Variants in GUCY1A2 observed in about 807,000 individuals in gnomAD.
GUCY1A2 encodes the protein guanylate cyclase 1 soluble subunit alpha 2, also known as guanylate cyclase soluble subunit alpha-2.
A neutral mutation model predicts 63.5 loss-of-function variants in GUCY1A2; 27 were observed. The observed-to-expected ratio is 0.43, with a 90% CI of 0.31 to 0.59. GUCY1A2 has a LOEUF of 0.59. Among genes scored for constraint, GUCY1A2 ranks in the 20% least tolerant of loss-of-function variants. GUCY1A2 has a pLI of 0.11. For missense variants in GUCY1A2, 768 were observed against 913.3 expected, an observed-to-expected ratio of 0.84 and a Z score of 2.05; for synonymous variants, 364 against 343.5, an observed-to-expected ratio of 1.06 and a Z score of -0.66.
chr11:106,780,834 G>A (rs769245222), intron 5 of GUCY1A2, among the ~76,000 whole-genome samples: 1 of 151,208 alleles, frequency 6.6e-6, no homozygotes, highest in Non-Finnish European at 1.5e-5. Context: ...AGATATATTC[G>A]GCACCTTAAG....
At chr11:107,016,950 T>G (rs1861831985) in intron 1 of GUCY1A2, among the ~76,000 whole-genome samples, 1 of 152,160 alleles carries the variant, frequency 6.6e-6, no homozygotes, top group Non-Finnish European at 1.5e-5. Flanking sequence ...GATGAGTTAG[T>G]AGGTGCAGCA....
At chr11:106,792,050 CA>C (rs1864671933) in intron 5 of GUCY1A2, among the ~76,000 whole-genome samples, 1 of 152,130 alleles carries the variant, frequency 6.6e-6, no homozygotes, top group Non-Finnish European at 1.5e-5. Flanking sequence ...CAAAATTCTT[CA>C]ACAAAATACT....
chr11:106,798,284 C>A (rs899123998), intron 5 of GUCY1A2, among the ~76,000 whole-genome samples: 1 of 152,004 alleles, frequency 6.6e-6, no homozygotes, highest in African/African-American at 2.4e-5. Context: ...AGCCTACCAA[C>A]CAAAAAAAGT....
intron 7 of GUCY1A2, among the ~76,000 whole-genome samples, chr11:106,693,459 T>C (rs1278008928): frequency 6.6e-6 from 1 of 152,148 alleles, no homozygotes; most frequent in Non-Finnish European, 1.5e-5. Flanking sequence ...TATGGCTAAG[T>C]GCATCTTTTT....
intron 7 of GUCY1A2, among the ~76,000 whole-genome samples, chr11:106,693,592 T>C (rs1253632985): frequency 6.6e-6 from 1 of 152,198 alleles, no homozygotes; most frequent in Non-Finnish European, 1.5e-5. Context: ...TTTATATGTT[T>C]TCTTTTTATG....
chr11:106,785,206 G>A (rs530403339), intron 5 of GUCY1A2, among the ~76,000 whole-genome samples: 59 of 152,212 alleles, frequency 3.9e-4, no homozygotes, highest in Non-Finnish European at 7.1e-4. Flanking sequence ...GCCCCTGAAA[G>A]CCTCATGGAT....
intron 4 of GUCY1A2, among the ~76,000 whole-genome samples, chr11:106,870,228 C>T (rs1255506572): frequency 6.6e-6 from 1 of 151,806 alleles, no homozygotes; most frequent in African/African-American, 2.4e-5. Context: ...ACATTGTGCA[C>T]ATGTACCCTA....
At chr11:106,926,570 A>C (rs1860525425) in intron 4 of GUCY1A2, among the ~76,000 whole-genome samples, 1 of 152,092 alleles carries the variant, frequency 6.6e-6, no homozygotes, top group Non-Finnish European at 1.5e-5. Flanking sequence ...TTCCCCTTAG[A>C]ATTATCAAAT....
rs1012517833 is a variant in GUCY1A2 at position 107,018,076 on chromosome 11, G to A, written c.-21C>T. 3 of 1,415,252 alleles carry A rather than the reference G, an allele frequency of 2.1e-6. No homozygotes were observed. Among genetic ancestry groups the A allele is most frequent in the South Asian group, 2.9e-5 (2 of 68,496 alleles). 87.7% of individuals were successfully genotyped at this position (1,415,252 alleles called of 1,614,324 possible). A position where few individuals can be genotyped will look rare whatever the true frequency, so the allele number is the denominator to read the frequency against. Reference sequence around the variant, plus strand: ...GACATGCTGCCGGCGGAGCTGCAGCGGCCGAGGCGGTGGCGGCGAGGACGC... The same window carrying A: ...GACATGCTGCCGGCGGAGCTGCAGCAGCCGAGGCGGTGGCGGCGAGGACGC... On this transcript the variant is annotated 5_prime_UTR_variant, in exon 1 of 8. Transcript: ENST00000526355.
chr11:106,722,651 G>C (rs944912498), intron 6 of GUCY1A2, among the ~76,000 whole-genome samples: 1 of 152,020 alleles, frequency 6.6e-6, no homozygotes, highest in Non-Finnish European at 1.5e-5. Flanking sequence ...AGGCTTGGTA[G>C]TATTTATTTA....
rs1001022278 is a variant in GUCY1A2 at position 106,918,112 on chromosome 11, A to G, written c.1206+21348T>C. On this transcript the variant is annotated intron_variant, in intron 4 of 7. Transcript: ENST00000526355. ...AGAACAGAGAAGGAGAACGAAGGGT[A>G]TAACGCCCCTGTTTGCATGCCCAGC... 1.4e-5 allele frequency among the ~76,000 whole-genome samples: 2 copies of G among 144,458 alleles called. 1 individual carries two copies. The highest frequency in any genetic ancestry group is 3.1e-5 in the Non-Finnish European group (2 of 64,404). The allele number at this position is 144,458 out of a possible 152,430, so 94.8% of individuals were successfully genotyped here.
intron 4 of GUCY1A2, among the ~76,000 whole-genome samples, chr11:106,896,251 G>C (rs1316567723): frequency 1.3e-5 from 2 of 151,884 alleles, no homozygotes; most frequent in African/African-American, 4.8e-5. Flanking sequence ...TGCATAAAAA[G>C]CATCTGACAA....
At chr11:106,919,333 T>G (rs1354645926) in intron 4 of GUCY1A2, among the ~76,000 whole-genome samples, 1 of 152,156 alleles carries the variant, frequency 6.6e-6, no homozygotes, top group Admixed American at 6.6e-5. Flanking sequence ...TTAACAATAC[T>G]GTATTGTACA....
intron 1 of GUCY1A2, among the ~76,000 whole-genome samples, chr11:107,013,945 C>G (rs1487379000): frequency 6.7e-6 from 1 of 148,680 alleles, no homozygotes; most frequent in Non-Finnish European, 1.5e-5. Context: ...ATGCTCTGCA[C>G]AATACCTGCC....
chr11:106,809,451 G>A (rs1052437982), intron 5 of GUCY1A2, among the ~76,000 whole-genome samples: 1 of 152,040 alleles, frequency 6.6e-6, no homozygotes, highest in African/African-American at 2.4e-5. Context: ...ATGTAGCTTG[G>A]AAAATTAAGG....
At chr11:106,719,559 G>A (rs1197484986) in intron 6 of GUCY1A2, among the ~76,000 whole-genome samples, 2 of 152,080 alleles carry the variant, frequency 1.3e-5, no homozygotes, top group Admixed American at 6.6e-5. Context: ...ATCATCTTTC[G>A]TAAGCCATAC....
intron 6 of GUCY1A2, among the ~76,000 whole-genome samples, chr11:106,772,271 T>C (rs1285538299): frequency 6.6e-6 from 1 of 152,166 alleles, no homozygotes; most frequent in African/African-American, 2.4e-5. Context: ...GATTCAGTTT[T>C]AGTCAATTAT....
At chr11:106,879,097 T>G (rs983992752) in intron 4 of GUCY1A2, among the ~76,000 whole-genome samples, 2 of 151,134 alleles carry the variant, frequency 1.3e-5, no homozygotes, top group Admixed American at 1.3e-4. Flanking sequence ...ATCAAGGGTT[T>G]CACACCAGAA....
At chr11:107,011,346 C>T (rs1861741398) in intron 1 of GUCY1A2, among the ~76,000 whole-genome samples, 1 of 151,446 alleles carries the variant, frequency 6.6e-6, no homozygotes, top group African/African-American at 2.4e-5. Context: ...ACTTAGAGCT[C>T]TGTATAATTA....
Sources: gnomAD v4.1 joint callset for allele counts (sites outside exome capture counted in the v4.1 genomes callset) on GRCh38, gnomAD v4.1.1 for gene constraint, MANE v1.5 for transcripts, NCBI Gene and HGNC (gene_info 2026-07-23, HGNC 2026-07-21) for gene names.